The following TRIP12 variants were observed in gnomAD, a reference collection of about 807,000 sequenced individuals.
The protein encoded by TRIP12 is thyroid hormone receptor interactor 12.
TRIP12 carries 25 observed loss-of-function variants against 244.2 expected under a neutral mutation model. The observed-to-expected ratio is 0.10, with a 90% CI of 0.07 to 0.14. TRIP12 has a LOEUF of 0.14. Ranked by LOEUF, TRIP12 falls within the 10% of genes least tolerant of loss-of-function variation. TRIP12 has a pLI of 1.00. For missense variants in TRIP12, 1,677 were observed against 2,486.4 expected, an observed-to-expected ratio of 0.67 and a Z score of 6.92; for synonymous variants, 905 against 873.1, an observed-to-expected ratio of 1.04 and a Z score of -0.64.
chr2:229,914,683 C>T (rs914301487), intron 1 of TRIP12, among the ~76,000 whole-genome samples: 2 of 152,154 alleles, frequency 1.3e-5, no homozygotes, highest in African/African-American at 2.4e-5. Context: ...GCACTGCCCA[C>T]GGCTAGAGTG....
intron 38 of TRIP12, chr2:229,773,858 T>C: frequency 2.8e-6 from 1 of 357,206 alleles, no homozygotes; most frequent in Non-Finnish European, 5.0e-6. Flanking sequence ...AAACGTGGTG[T>C]AATTAGATAG....
intron 1 of TRIP12, among the ~76,000 whole-genome samples, chr2:229,899,456 G>A (rs956294257): frequency 6.6e-6 from 1 of 152,188 alleles, no homozygotes; most frequent in Non-Finnish European, 1.5e-5. Flanking sequence ...AAAGACATGA[G>A]CTAGCCCAAG....
At chr2:229,864,675 C>T (rs2061189565) in intron 2 of TRIP12, among the ~76,000 whole-genome samples, 1 of 151,958 alleles carries the variant, frequency 6.6e-6, no homozygotes. Flanking sequence ...GGAAAAACTG[C>T]TTATGAACCA....
At chr2:229,851,664 T>G (rs371979455) in intron 4 of TRIP12, among the ~76,000 whole-genome samples, 68 of 152,248 alleles carry the variant, frequency 4.5e-4, no homozygotes, top group South Asian at 8.3e-4. Flanking sequence ...CGCGAAGATC[T>G]GCAGCTTCAC....
chr2:229,785,629 C>T, intron 34 of TRIP12, 128 bp downstream of exon 34: 2 of 832,276 alleles, frequency 2.4e-6, no homozygotes, highest in Non-Finnish European at 3.6e-6. Context: ...TAGAACAAAT[C>T]ATTCAAGAGA....
At position 229,778,952 on chromosome 2, in the gene TRIP12, C is replaced by T. The variant is rs375822285; in HGVS notation, c.5133G>A (p.Ala1711=). The T allele has an allele frequency of 1.1e-5, 17 of 1,613,882 alleles. No homozygotes were observed. The highest frequency in any genetic ancestry group is 6.6e-5 in the South Asian group (6 of 91,082). The change falls in exon 35 of 42, where the codon GCG becomes GCA. Residue 1711 remains alanine (A), a synonymous_variant. Transcript: ENST00000675903. This position sits in a 1 kb window ranked among gnomAD's most constrained non-coding sequence, Gnocchi z 4.1. ...CTCTCTGTAGTTCCTGAGATACAAG[C>T]GCATAAAACTCCAGTGTAGGCCCAA... ...TGLGPTLEFY[A]LVSQELQRAD... is the part of the protein sequence containing the mutation.
intron 1 of TRIP12, among the ~76,000 whole-genome samples, chr2:229,892,389 A>G (rs1028013777): frequency 2.6e-5 from 4 of 152,206 alleles, no homozygotes; most frequent in Non-Finnish European, 4.4e-5. Context: ...ACAGTGGAGC[A>G]GAGAGAGAAG....
intron 2 of TRIP12, among the ~76,000 whole-genome samples, chr2:229,871,319 A>T (rs1404428031): frequency 6.6e-6 from 1 of 152,228 alleles, no homozygotes; most frequent in East Asian, 1.9e-4. Flanking sequence ...ATTAAAAGAC[A>T]TTAGTAATAT....
At chr2:229,863,230 A>C (rs1304894607) in intron 2 of TRIP12, among the ~76,000 whole-genome samples, 1 of 146,812 alleles carries the variant, frequency 6.8e-6, no homozygotes, top group East Asian at 2.0e-4. Context: ...CTCCATCTCG[A>C]AAAAAAAAAA....
chr2:229,907,504 A>G (rs2073153993), intron 1 of TRIP12, among the ~76,000 whole-genome samples: 1 of 152,202 alleles, frequency 6.6e-6, no homozygotes, highest in African/African-American at 2.4e-5. Context: ...AGGAAAGGAA[A>G]ATAAAAACAC....
chr2:229,797,869 T>C (rs1383641813), intron 23 of TRIP12, 38 bp from the exon 24 acceptor site: 2 of 1,600,216 alleles, frequency 1.2e-6, no homozygotes, highest in African/African-American at 2.7e-5. Context: ...AGTCCCAGTG[T>C]ATGTAGAAAG....
chr2:229,827,267 A>G lies in TRIP12; in HGVS notation c.1450+1926T>C, dbSNP rs2051931497. Among the ~76,000 whole-genome samples, 30 of 151,780 alleles carry G rather than the reference A, an allele frequency of 2.0e-4. No individual in the cohort carries two copies. In the South Asian group the frequency reaches 6.3e-3, roughly 32 times the overall value. On this transcript the variant is annotated intron_variant, in intron 8 of 41. Transcript: ENST00000675903. ...TGCACTCCAGCCTGGGAGACAGAGC[A>G]AAACTCCGTCTCAAAAAAAAAAAAG...
At chr2:229,845,646 A>G (rs2057420438) in intron 4 of TRIP12, among the ~76,000 whole-genome samples, 1 of 152,198 alleles carries the variant, frequency 6.6e-6, no homozygotes, top group Non-Finnish European at 1.5e-5. Flanking sequence ...ATACAAATTA[A>G]TATCTTAAGG....
chr2:229,790,398 A>G (rs2041157629), intron 30 of TRIP12, among the ~76,000 whole-genome samples: 1 of 152,218 alleles, frequency 6.6e-6, no homozygotes. Flanking sequence ...CACCAAAAAC[A>G]TAACAATCTC....
At chr2:229,832,514 T>A (rs2053707602) in intron 6 of TRIP12, among the ~76,000 whole-genome samples, 1 of 152,220 alleles carries the variant, frequency 6.6e-6, no homozygotes, top group African/African-American at 2.4e-5. Flanking sequence ...AAAAGGAAAT[T>A]AACCAATAAC....
Position 229,860,515 on chromosome 2 carries a change from C to T in TRIP12, c.115G>A (p.Ala39Thr). Reference sequence around the variant, plus strand: ...GGAGGGCTATATCCCTTATGTTTTGCCTGCCCTAAATGTGACCTGTCAGCA... The same window carrying T: ...GGAGGGCTATATCCCTTATGTTTTGTCTGCCCTAAATGTGACCTGTCAGCA... ...SIGGRSHLGQ[A>T]KHKGYSPPES... Residue 39 changes from alanine (A) to threonine (T), a missense_variant, in exon 3 of 42, where the codon GCA becomes ACA. Around this residue, in one of 11 missense-constraint regions of TRIP12, gnomAD observed 387 missense variants for 392.6 expected, o/e 0.99. Transcript: ENST00000675903. 2 of 1,608,048 alleles carry T rather than the reference C, an allele frequency of 1.2e-6. No homozygotes were observed. Among genetic ancestry groups the T allele is most frequent in the Non-Finnish European group, 1.7e-6 (2 of 1,177,332 alleles).
At chr2:229,885,605 T>C (rs1228191033) in intron 1 of TRIP12, among the ~76,000 whole-genome samples, 1 of 152,114 alleles carries the variant, frequency 6.6e-6, no homozygotes, top group Non-Finnish European at 1.5e-5. Context: ...ACCACTACAA[T>C]AAAACAAAAT....
intron 4 of TRIP12, among the ~76,000 whole-genome samples, chr2:229,845,535 G>A (rs2057395185): frequency 6.6e-6 from 1 of 151,334 alleles, no homozygotes; most frequent in South Asian, 2.1e-4. Flanking sequence ...CTTTGAGGGG[G>A]AAAAAAAACC....
rs781591748 is a variant in TRIP12, at chr2:229,788,922, T to C, written c.4714A>G (p.Ile1572Val). Residue 1572 changes from isoleucine to valine, a missense_variant, in exon 32 of 42, where the codon ATT (isoleucine) becomes GTT (valine). This residue lies in a region of TRIP12 where 265 missense variants were observed against 370.8 expected (regional missense o/e 0.71). Coordinates refer to ENST00000675903, the MANE Select transcript of TRIP12 (RefSeq NM_001348323.3). ...TTAATAAATTCACTAGTTGGAATAA[T>C]TTCCTTGCACATTGCATTCTGTAAA... ...YLYDNAMCKEIIPTSEFINSK... is the reference protein window; with the variant it reads ...YLYDNAMCKEVIPTSEFINSK... 1.2e-6 allele frequency: 2 copies of C among 1,612,962 alleles called. No homozygotes were observed. The highest frequency in any genetic ancestry group is 1.7e-6 in the Non-Finnish European group (2 of 1,179,532).
Sources: allele counts gnomAD v4.1 joint callset (sites outside exome capture counted in the v4.1 genomes callset), GRCh38; gene constraint gnomAD v4.1.1; regional missense constraint gnomAD v4.1.1; non-coding constraint Gnocchi (gnomAD v3.1); transcripts MANE v1.5; gene names NCBI Gene and HGNC (gene_info 2026-07-23, HGNC 2026-07-21).